CHD7: variants seen among roughly 807,000 people sequenced by gnomAD.
CHD7 encodes chromodomain helicase DNA binding protein 7, also known as ATP-dependent chromatin remodeler CHD7.
Under a neutral mutation model 307.3 loss-of-function variants are expected in CHD7, and 24 were observed. The observed-to-expected ratio is 0.08, with a 90% CI of 0.06 to 0.11. CHD7 has a LOEUF of 0.11. CHD7 is among the 10% of genes least tolerant of loss of function. The pLI is 1.00. For missense variants in CHD7, 3,106 were observed against 3,727.1 expected (o/e 0.83, Z 4.34); for synonymous variants, 1,363 against 1,349.9 (o/e 1.01, Z -0.21).
chr8:60,797,067 G>T (rs947907830), intron 4 of CHD7, among the ~76,000 whole-genome samples: 1 of 152,080 alleles, frequency 6.6e-6, no homozygotes. Flanking sequence ...CAAAAGTTTT[G>T]AATTATGGTT....
chr8:60,815,738 G>T (rs1040186209), intron 7 of CHD7, among the ~76,000 whole-genome samples: 3 of 152,142 alleles, frequency 2.0e-5, no homozygotes, highest in Non-Finnish European at 4.4e-5. Flanking sequence ...AACACAGTCT[G>T]GGAGACCAGG....
chr8:60,794,640 T>TA (rs555861947), intron 3 of CHD7, among the ~76,000 whole-genome samples: 16 of 151,976 alleles, frequency 1.1e-4, no homozygotes, highest in Non-Finnish European at 1.8e-4. Flanking sequence ...TCATGACAAT[T>TA]AAAAAAAAGT....
intron 3 of CHD7, among the ~76,000 whole-genome samples, chr8:60,791,232 A>G (rs939155268): frequency 1.3e-5 from 2 of 152,132 alleles, no homozygotes; most frequent in Admixed American, 6.5e-5. Flanking sequence ...TAGGAGAGGA[A>G]TGAGGGCAGA....
chr8:60,683,974 A>ATG (rs1413064324), intron 1 of CHD7, among the ~76,000 whole-genome samples: 1 of 151,874 alleles, frequency 6.6e-6, no homozygotes, highest in African/African-American at 2.4e-5. Context: ...TCAAGATTTG[A>ATG]CAACTGTTTT....
intron 1 of CHD7, among the ~76,000 whole-genome samples, chr8:60,688,053 T>G (rs959768866): frequency 6.6e-6 from 1 of 152,216 alleles, no homozygotes; most frequent in African/African-American, 2.4e-5. Context: ...TGTTGGTGCC[T>G]GCTGTAGTTG....
At chr8:60,848,751 C>A in intron 24 of CHD7, 147 bp downstream of exon 24, 1 of 713,446 alleles carries the variant, frequency 1.4e-6, no homozygotes. Context: ...GTCCTTCGTG[C>A]TTGGGGATGT....
At chr8:60,846,951 A>G (rs1805234877) in intron 23 of CHD7, among the ~76,000 whole-genome samples, 1 of 152,082 alleles carries the variant, frequency 6.6e-6, no homozygotes. Flanking sequence ...ATTACCTCCA[A>G]CCCTTTTGGT....
chr8:60,730,631 C>T (rs1355816013), intron 1 of CHD7, among the ~76,000 whole-genome samples: 1 of 152,072 alleles, frequency 6.6e-6, no homozygotes, highest in Non-Finnish European at 1.5e-5. Context: ...GAGGCCGAGG[C>T]GGGTGGATCA....
chr8:60,681,057 A>G (rs1805601918), intron 1 of CHD7, among the ~76,000 whole-genome samples: 1 of 152,124 alleles, frequency 6.6e-6, no homozygotes, highest in African/African-American at 2.4e-5. Flanking sequence ...TCTCTCGGTA[A>G]GGGAGGGAGT....
rs147269966 is a variant in CHD7 at position 60,725,809 on chromosome 8, G to A, written c.-174-15450G>A. ...CTGAGAAATTTGCTTCAGCTGACTC[G>A]CTTGTTTTAGGACCAACACACTCCA... On this transcript the variant is annotated intron_variant, in intron 1 of 37. Coordinates refer to ENST00000423902, the MANE Select transcript of CHD7 (RefSeq NM_017780.4). Among the ~76,000 whole-genome samples the A allele has an allele frequency of 1.3e-3, 200 of 152,270 alleles. 1 individual carries two copies. Among genetic ancestry groups the A allele is most frequent in the Non-Finnish European group, 1.7e-3 (119 of 68,018 alleles).
chr8:60,797,349 C>G (rs1036425796), intron 4 of CHD7, among the ~76,000 whole-genome samples: 1 of 152,208 alleles, frequency 6.6e-6, no homozygotes, highest in Non-Finnish European at 1.5e-5. Flanking sequence ...CCACTGCTAA[C>G]TAACCCCATC....
chr8:60,791,986 T>C (rs1211893723), intron 3 of CHD7, among the ~76,000 whole-genome samples: 1 of 152,212 alleles, frequency 6.6e-6, no homozygotes, highest in Non-Finnish European at 1.5e-5. Context: ...CAGCTGCTTG[T>C]TTTTCACATG....
intron 1 of CHD7, among the ~76,000 whole-genome samples, chr8:60,718,897 T>C (rs897859845): frequency 5.9e-5 from 9 of 152,248 alleles, no homozygotes; most frequent in African/African-American, 2.2e-4. Flanking sequence ...GTATTTTTGC[T>C]GTACCTTTTC....
chr8:60,821,451 G>C (rs1250136222), intron 9 of CHD7, among the ~76,000 whole-genome samples: 1 of 151,824 alleles, frequency 6.6e-6, no homozygotes, highest in Non-Finnish European at 1.5e-5. Flanking sequence ...TGTCAATTCA[G>C]ACTTACTCAT....
At chr8:60,689,508 A>C (rs573005768) in intron 1 of CHD7, among the ~76,000 whole-genome samples, 4 of 152,366 alleles carry the variant, frequency 2.6e-5, no homozygotes, top group Non-Finnish European at 4.4e-5. Context: ...GTTGGGACTC[A>C]AAGCAGGACA....
Position 60,842,004 on chromosome 8 carries a change from A to T in CHD7, c.4802A>T (p.Tyr1601Phe), listed in dbSNP as rs2150786892. The T allele has an allele frequency of 6.2e-7, 1 of 1,614,020 alleles. No homozygotes were observed. The highest frequency in any genetic ancestry group is 8.5e-7 in the Non-Finnish European group (1 of 1,179,880). ...CGTCCCCAGGATAAGTCACAGGGCT[A>T]TGCAAGGAGTGAATGTTTCAGGGTG... ...PRRPQDKSQG[Y>F]ARSECFRVEK... Residue 1601 changes from tyrosine (Y) to phenylalanine (F), a missense_variant, in exon 21 of 38, where the codon TAT (tyrosine) becomes TTT (phenylalanine). Physicochemically the swap from Tyr to Phe is conservative, Grantham distance 22 (BLOSUM62 3). Around this residue, in one of 10 missense-constraint regions of CHD7, gnomAD observed 122 missense variants for 124.5 expected, o/e 0.98. Transcript: ENST00000423902.
chr8:60,761,370 A>T (rs1041087998), intron 2 of CHD7, among the ~76,000 whole-genome samples: 1 of 150,096 alleles, frequency 6.7e-6, no homozygotes, highest in Non-Finnish European at 1.5e-5. Flanking sequence ...GAGGGATAGC[A>T]CTGGGAGATA....
chr8:60,724,740 A>G (rs527765788), intron 1 of CHD7, among the ~76,000 whole-genome samples: 78 of 152,292 alleles, frequency 5.1e-4, no homozygotes, highest in East Asian at 4.6e-3. Context: ...GAGATGTCAC[A>G]ATTGGACATC....
intron 1 of CHD7, among the ~76,000 whole-genome samples, chr8:60,707,119 CTA>C (rs1435674570): frequency 6.6e-5 from 10 of 152,158 alleles, no homozygotes; most frequent in South Asian, 4.1e-4. Context: ...TAAAATGACA[CTA>C]TTAAGATTCT....
Sources: allele counts gnomAD v4.1 joint callset (sites outside exome capture counted in the v4.1 genomes callset), GRCh38; gene constraint gnomAD v4.1.1; regional missense constraint gnomAD v4.1.1; transcripts MANE v1.5; gene names NCBI Gene and HGNC (gene_info 2026-07-23, HGNC 2026-07-21).